Variants in DOCK1 observed in about 807,000 individuals in gnomAD.
DOCK1 encodes dedicator of cytokinesis protein 1.
A neutral mutation model predicts 262.7 loss-of-function variants in DOCK1; 138 were observed. The observed-to-expected ratio is 0.53, with a 90% CI of 0.46 to 0.61. The LOEUF (loss-of-function observed/expected upper bound fraction) is 0.61, where lower values mean the gene tolerates loss of function less well. Ranked by LOEUF, DOCK1 falls within the 20% of genes least tolerant of loss-of-function variation. DOCK1 has a pLI of 0.00. For synonymous variants in DOCK1, 866 were observed against 867.4 expected (o/e 1.00, Z 0.03); for missense variants, 1,908 against 2,370.7 (o/e 0.80, Z 4.05).
intron 41 of DOCK1, 25 bp from the exon 42 acceptor site, chr10:127,409,288 G>A: frequency 6.2e-7 from 1 of 1,613,860 alleles, no homozygotes; most frequent in Non-Finnish European, 8.5e-7. Flanking sequence ...TGCTGCCTTA[G>A]TGATCCTTAA....
At chr10:127,280,110 C>G (rs1377303707) in intron 29 of DOCK1, among the ~76,000 whole-genome samples, 11 of 148,572 alleles carry the variant, frequency 7.4e-5, no homozygotes, top group African/African-American at 2.2e-4. Context: ...TCTCGGCTCA[C>G]TGCAAGCTCC....
At chr10:127,271,125 AT>A (rs1047112009) in intron 29 of DOCK1, among the ~76,000 whole-genome samples, 37 of 148,290 alleles carry the variant, frequency 2.5e-4, no homozygotes, top group Non-Finnish European at 2.8e-4. Flanking sequence ...TGACTGCAGG[AT>A]TTTTTTTTTG....
rs1417744851 is a variant in DOCK1 at position 127,185,619 on chromosome 10, A to G, written c.2847+57855A>G. Among the ~76,000 whole-genome samples, 3 of 152,218 alleles carry G rather than the reference A, an allele frequency of 2.0e-5. No homozygotes were observed. The East Asian group carries it at 5.8e-4, about 29-fold the overall frequency. ...GGCTTCCAAGGAGTCTTTTTACATT[A>G]TCTGGATCCTCACATTAGGTAGAAC... is the stretch of plus-strand genomic sequence containing the variant. On this transcript the variant is annotated intron_variant, in intron 27 of 51. Transcript: ENST00000623213.
chr10:127,318,516 G>T (rs539833158), intron 29 of DOCK1, among the ~76,000 whole-genome samples: 2 of 152,166 alleles, frequency 1.3e-5, no homozygotes, highest in Admixed American at 6.5e-5. Context: ...AAGGATGGGG[G>T]CCCAGCACTG....
intron 36 of DOCK1, among the ~76,000 whole-genome samples, chr10:127,380,952 C>T (rs975088284): frequency 5.3e-5 from 8 of 152,156 alleles, no homozygotes; most frequent in African/African-American, 7.2e-5. Context: ...TGTATTTTTA[C>T]GGATTTTTTT....
At position 127,209,711 on chromosome 10, in the gene DOCK1, T is replaced by C. The variant is rs530775012; in HGVS notation, c.2848-38297T>C. ...GAAAATGATTCACATCAGTAGGTGC[T>C]CCAGCAGATGTGGAGTAAAAATCAA... On this transcript the variant is annotated intron_variant, in intron 27 of 51. Coordinates refer to ENST00000623213, the MANE Select transcript of DOCK1 (RefSeq NM_001290223.2). Among the ~76,000 whole-genome samples the C allele has an allele frequency of 6.6e-4, 100 of 152,270 alleles. 1 individual carries two copies. The highest frequency in any genetic ancestry group is 3.4e-3 in the Middle Eastern group (1 of 294).
At chr10:127,436,310 A>T (rs2069679000) in intron 48 of DOCK1, among the ~76,000 whole-genome samples, 1 of 152,282 alleles carries the variant, frequency 6.6e-6, no homozygotes, top group East Asian at 1.9e-4. Context: ...TGAGCTCTGG[A>T]GTTCAAGACC....
intron 29 of DOCK1, among the ~76,000 whole-genome samples, chr10:127,280,246 G>A (rs575162184): frequency 6.6e-6 from 1 of 151,710 alleles, no homozygotes; most frequent in South Asian, 2.1e-4. Context: ...GTTTTAGCCG[G>A]GATGGTCTCC....
At chr10:126,912,418 A>C (rs1304601080) in intron 1 of DOCK1, among the ~76,000 whole-genome samples, 1 of 145,210 alleles carries the variant, frequency 6.9e-6, no homozygotes, top group Non-Finnish European at 1.5e-5. Context: ...CAACAAGAGC[A>C]AAACTCCATC....
chr10:127,196,876 C>T (rs1219794020), intron 27 of DOCK1, among the ~76,000 whole-genome samples: 6 of 151,962 alleles, frequency 3.9e-5, no homozygotes, highest in Non-Finnish European at 5.9e-5. Flanking sequence ...GAGCCGCCTC[C>T]GGAGCAGCTG....
intron 22 of DOCK1, among the ~76,000 whole-genome samples, chr10:127,060,295 C>T (rs4751520): frequency 0.88 from 133,626 of 152,066 alleles, 58,985 homozygotes; most frequent in South Asian, 0.93. Context: ...GTTCTTCATG[C>T]CACTTGCAAG....
intron 23 of DOCK1, among the ~76,000 whole-genome samples, chr10:127,084,379 T>C (rs2047077209): frequency 6.6e-6 from 1 of 152,188 alleles, no homozygotes; most frequent in African/African-American, 2.4e-5. Context: ...AATCTAAGCA[T>C]GTTGAAAAAG....
intron 24 of DOCK1, among the ~76,000 whole-genome samples, chr10:127,109,210 A>G (rs2048722107): frequency 6.6e-6 from 1 of 152,296 alleles, no homozygotes; most frequent in Non-Finnish European, 1.5e-5. Flanking sequence ...CTGTTTTCCC[A>G]AAATATTGCT....
At chr10:127,395,405 C>T (rs1464112865) in intron 38 of DOCK1, among the ~76,000 whole-genome samples, 6 of 152,150 alleles carry the variant, frequency 3.9e-5, no homozygotes, top group African/African-American at 1.2e-4. Flanking sequence ...GAGGGCTCCA[C>T]CGTCATGACC....
At chr10:127,053,766 T>A (rs1342701228) in intron 22 of DOCK1, among the ~76,000 whole-genome samples, 1 of 152,236 alleles carries the variant, frequency 6.6e-6, no homozygotes, top group African/African-American at 2.4e-5. Context: ...GGTTAAGAGC[T>A]GCGCTAAAAT....
chr10:126,988,730 T>TA (rs1221921643), intron 5 of DOCK1, among the ~76,000 whole-genome samples: 2 of 152,194 alleles, frequency 1.3e-5, no homozygotes, highest in Non-Finnish European at 2.9e-5. Context: ...CTGATAGACT[T>TA]ACATGGTTGG....
intron 10 of DOCK1, 39 bp downstream of exon 10, chr10:127,000,346 C>A (rs756500316): frequency 6.2e-6 from 10 of 1,603,022 alleles, no homozygotes; most frequent in Non-Finnish European, 6.8e-6. Flanking sequence ...AGTTTCAGAT[C>A]TTCACAGTCA....
At chr10:127,111,927 A>AT in intron 25 of DOCK1, among the ~76,000 whole-genome samples, 1 of 152,020 alleles carries the variant, frequency 6.6e-6, no homozygotes, top group Middle Eastern at 3.4e-3. Context: ...ATTTACATAT[A>AT]TTTTTAAATT....
chr10:126,953,884 C>T (rs2036528264), intron 1 of DOCK1, among the ~76,000 whole-genome samples: 1 of 152,070 alleles, frequency 6.6e-6, no homozygotes, highest in African/African-American at 2.4e-5. Flanking sequence ...GCTTTAAAAG[C>T]TAAAAATGAA....
Sources: gnomAD v4.1 joint callset for allele counts (sites outside exome capture counted in the v4.1 genomes callset) on GRCh38, gnomAD v4.1.1 for gene constraint, MANE v1.5 for transcripts, NCBI Gene and HGNC (gene_info 2026-07-23, HGNC 2026-07-21) for gene names.